The following DLC1 variants were observed in gnomAD, a reference collection of about 807,000 sequenced individuals.
The protein encoded by DLC1 is rho GTPase-activating protein 7.
Under a neutral mutation model 140.3 loss-of-function variants are expected in DLC1, and 54 were observed. The ratio of observed to expected loss-of-function variants is 0.38; its 90% CI spans 0.31 to 0.48. DLC1 has a LOEUF of 0.48. Among genes scored for constraint, DLC1 ranks in the 20% least tolerant of loss-of-function variants. The pLI is 0.96. For synonymous variants in DLC1, 986 were observed against 728.1 expected (o/e 1.35, Z -5.70); for missense variants, 2,536 against 1,907.0 (o/e 1.33, Z -6.14).
chr8:13,554,690 C>T (rs956840907), intron 1 of DLC1, among the ~76,000 whole-genome samples: 16 of 152,142 alleles, frequency 1.1e-4, no homozygotes, highest in Admixed American at 3.3e-4. Flanking sequence ...TTCTTACCAC[C>T]TCTACTGCTA....
chr8:13,404,885 A>G (rs946695577), intron 2 of DLC1, among the ~76,000 whole-genome samples: 1 of 152,100 alleles, frequency 6.6e-6, no homozygotes, highest in Non-Finnish European at 1.5e-5. Flanking sequence ...GGGCACCTGT[A>G]ATCCTAGCTA....
At chr8:13,177,769 A>G (rs1284672792) in intron 5 of DLC1, among the ~76,000 whole-genome samples, 7 of 152,216 alleles carry the variant, frequency 4.6e-5, no homozygotes, top group Admixed American at 4.6e-4. Context: ...ACAGAGAATC[A>G]TGTAAAAACC....
rs369659209 is a variant in DLC1 at position 13,092,656 on chromosome 8, G to A, written c.3696C>T (p.Ser1232=). The A allele has an allele frequency of 8.5e-5, 138 of 1,614,064 alleles. No homozygotes were observed. The highest frequency in any genetic ancestry group is 1.1e-4 in the Non-Finnish European group (132 of 1,180,052). Residue 1232 remains serine, a synonymous_variant, in exon 13 of 18, where the codon TCC becomes TCT. Coordinates refer to ENST00000276297, the MANE Select transcript of DLC1 (RefSeq NM_182643.3). ...PTNLAVCLAP[S]LFHLNTLKRE... ...TCTTCAGGGTGTTGAGATGGAAGAG[G>A]GAAGGCGCTAAGCACACGGCCAGGT...
chr8:13,180,986 T>TC (rs1327836738), intron 5 of DLC1, among the ~76,000 whole-genome samples: 1 of 152,068 alleles, frequency 6.6e-6, no homozygotes, highest in African/African-American at 2.4e-5. Context: ...CCTTTTTTTT[T>TC]CTGTTGAAGA....
intron 2 of DLC1, among the ~76,000 whole-genome samples, chr8:13,411,481 A>G (rs922346417): frequency 6.6e-6 from 1 of 152,220 alleles, no homozygotes; most frequent in Non-Finnish European, 1.5e-5. Context: ...CTGTCATTAT[A>G]CATTTATCCA....
intron 4 of DLC1, among the ~76,000 whole-genome samples, chr8:13,312,386 A>AAAAAAAAAAAAAAAAAATAAT (rs71207139): frequency 7.3e-5 from 6 of 81,704 alleles, no homozygotes; most frequent in Admixed American, 1.5e-4. Context: ...AAAAAAAAAA[A>AAAAAAAAAAAAAAAAAATAAT]AATAATTTCT....
intron 5 of DLC1, among the ~76,000 whole-genome samples, chr8:13,279,427 A>G (rs181565840): frequency 1.3e-5 from 2 of 152,320 alleles, no homozygotes; most frequent in East Asian, 1.9e-4. Context: ...TGACCCACAG[A>G]CTTCACCTAC....
intron 2 of DLC1, among the ~76,000 whole-genome samples, chr8:13,408,851 A>C (rs1837672332): frequency 6.6e-6 from 1 of 152,186 alleles, no homozygotes; most frequent in Non-Finnish European, 1.5e-5. Flanking sequence ...GTCTTAAAGC[A>C]GACAAGACTT....
At chr8:13,169,672 T>C (rs1351277831) in intron 5 of DLC1, among the ~76,000 whole-genome samples, 1 of 152,138 alleles carries the variant, frequency 6.6e-6, no homozygotes. Flanking sequence ...CAGGACTTTG[T>C]TTTTTAAAAA....
rs192658627 is a variant in DLC1 at position 13,506,779 on chromosome 8, C to T, written c.-125-6583G>A. On this transcript the variant is annotated intron_variant, in intron 1 of 17. Coordinates refer to ENST00000276297, the MANE Select transcript of DLC1 (RefSeq NM_182643.3). ...GGGAAATAATCTCATGTTAATTAAACGCAACTTAACAGTTTCTAAAATGCT... is the reference window on the plus strand; with the variant it reads ...GGGAAATAATCTCATGTTAATTAAATGCAACTTAACAGTTTCTAAAATGCT... Among the ~76,000 whole-genome samples the T allele has an allele frequency of 2.5e-3, 386 of 151,934 alleles. 1 individual carries two copies. The highest frequency in any genetic ancestry group is 4.4e-3 in the Non-Finnish European group (296 of 67,964).
chr8:13,115,927 G>C (rs988089751), intron 5 of DLC1, among the ~76,000 whole-genome samples: 1 of 152,140 alleles, frequency 6.6e-6, no homozygotes, highest in Non-Finnish European at 1.5e-5. Flanking sequence ...TGCTGCTTCT[G>C]AAGTGCTCTG....
chr8:13,205,492 T>C (rs1210300024), intron 5 of DLC1, among the ~76,000 whole-genome samples: 1 of 152,178 alleles, frequency 6.6e-6, no homozygotes, highest in Non-Finnish European at 1.5e-5. Context: ...TCTTTTGCTT[T>C]CATCATTTAC....
At chr8:13,330,967 A>G (rs1833562022) in intron 4 of DLC1, among the ~76,000 whole-genome samples, 1 of 152,218 alleles carries the variant, frequency 6.6e-6, no homozygotes, top group South Asian at 2.1e-4. Context: ...AGACATGAAG[A>G]GGAAAAAAAA....
At chr8:13,137,664 G>A (rs1002966115) in intron 5 of DLC1, among the ~76,000 whole-genome samples, 1 of 150,478 alleles carries the variant, frequency 6.6e-6, no homozygotes, top group Admixed American at 6.6e-5. Context: ...TGCAGTGGTG[G>A]GTTCTCAGCT....
At chr8:13,271,305 A>T (rs1236548793) in intron 5 of DLC1, among the ~76,000 whole-genome samples, 1 of 152,188 alleles carries the variant, frequency 6.6e-6, no homozygotes, top group Non-Finnish European at 1.5e-5. Flanking sequence ...ATATGCCCTT[A>T]CTTGCTTTTC....
At position 13,260,568 on chromosome 8, in the gene DLC1, T is replaced by TA. The variant is rs201172529; in HGVS notation, c.1348+44700dup. On this transcript the variant is annotated intron_variant, in intron 5 of 17. Transcript: ENST00000276297. ...TACCCATCTACTGGAAAATGTCCAA[T>TA]AGACAGTTGGAAATATAGAAATAGA... Among the ~76,000 whole-genome samples, 1,515 of 152,048 alleles carry TA rather than the reference T, an allele frequency of 1.0e-2. 25 individuals carry two copies. The highest frequency in any genetic ancestry group is 9.3e-3 in the Non-Finnish European group (630 of 67,996).
intron 5 of DLC1, among the ~76,000 whole-genome samples, chr8:13,211,848 C>CT (rs1406743952): frequency 6.6e-6 from 1 of 152,028 alleles, no homozygotes; most frequent in Non-Finnish European, 1.5e-5. Context: ...AGAGTAGAGG[C>CT]TTTTTTGGAA....
At chr8:13,269,056 G>A (rs561141831) in intron 5 of DLC1, among the ~76,000 whole-genome samples, 20 of 151,890 alleles carry the variant, frequency 1.3e-4, no homozygotes, top group African/African-American at 4.6e-4. Flanking sequence ...TGTATTTTTA[G>A]TAGAGACGGG....
chr8:13,297,584 C>T (rs906060475), intron 5 of DLC1, among the ~76,000 whole-genome samples: 1 of 152,016 alleles, frequency 6.6e-6, no homozygotes, highest in Non-Finnish European at 1.5e-5. Context: ...GGGAGTACTG[C>T]GCTGAATGAA....
Sources: gnomAD v4.1 joint callset for allele counts (sites outside exome capture counted in the v4.1 genomes callset) on GRCh38, gnomAD v4.1.1 for gene constraint, MANE v1.5 for transcripts, NCBI Gene and HGNC (gene_info 2026-07-23, HGNC 2026-07-21) for gene names.